The following ITGA9 variants were observed in gnomAD, a reference collection of about 807,000 sequenced individuals.
ITGA9 encodes the protein integrin alpha-9.
Under a neutral mutation model 127.8 loss-of-function variants are expected in ITGA9, and 56 were observed. The ratio of observed to expected loss-of-function variants is 0.44; its 90% CI spans 0.35 to 0.55. ITGA9 has a LOEUF of 0.55. Among genes scored for constraint, ITGA9 ranks in the 20% least tolerant of loss-of-function variants. The pLI, the probability that ITGA9 is intolerant of heterozygous loss-of-function variation, is 0.00. For missense variants in ITGA9, 1,196 were observed against 1,347.1 expected, an observed-to-expected ratio of 0.89 and a Z score of 1.76; for synonymous variants, 508 against 514.5, an observed-to-expected ratio of 0.99 and a Z score of 0.17.
At chr3:37,721,870 T>C (rs1252955887) in intron 18 of ITGA9, among the ~76,000 whole-genome samples, 1 of 152,208 alleles carries the variant, frequency 6.6e-6, no homozygotes, top group Non-Finnish European at 1.5e-5. Flanking sequence ...TTTCTGCTCA[T>C]TGTTGCGCGT....
At chr3:37,547,134 C>T (rs1488571407) in intron 15 of ITGA9, among the ~76,000 whole-genome samples, 1 of 151,870 alleles carries the variant, frequency 6.6e-6, no homozygotes, top group Admixed American at 6.5e-5. Context: ...TTTTTTTGAA[C>T]AGAACCATGT....
intron 17 of ITGA9, among the ~76,000 whole-genome samples, chr3:37,655,648 G>C (rs1053303981): frequency 1.3e-5 from 2 of 152,140 alleles, no homozygotes; most frequent in African/African-American, 4.8e-5. Flanking sequence ...TAGGTTGCCT[G>C]TTCACTCTGA....
intron 5 of ITGA9, among the ~76,000 whole-genome samples, chr3:37,495,461 C>T (rs1698718046): frequency 6.6e-6 from 1 of 152,140 alleles, no homozygotes; most frequent in South Asian, 2.1e-4. Flanking sequence ...TCATGACTGC[C>T]TGCTGGCACT....
At chr3:37,711,222 T>G (rs1426251267) in intron 18 of ITGA9, among the ~76,000 whole-genome samples, 1 of 152,108 alleles carries the variant, frequency 6.6e-6, no homozygotes, top group African/African-American at 2.4e-5. Flanking sequence ...GATGAGGGTT[T>G]GTACCTGCTG....
At chr3:37,648,809 G>A (rs771656609) in intron 16 of ITGA9, among the ~76,000 whole-genome samples, 1 of 151,952 alleles carries the variant, frequency 6.6e-6, no homozygotes, top group Non-Finnish European at 1.5e-5. Context: ...TACTATAAAG[G>A]TGATGAGTAA....
At chr3:37,630,377 G>A (rs1414954460) in intron 16 of ITGA9, among the ~76,000 whole-genome samples, 1 of 152,230 alleles carries the variant, frequency 6.6e-6, no homozygotes, top group African/African-American at 2.4e-5. Context: ...TAATGATGCT[G>A]TGCTCTTAGG....
chr3:37,519,434 G>A, intron 11 of ITGA9, 80 bp downstream of exon 11: 1 of 1,122,636 alleles, frequency 8.9e-7, no homozygotes, highest in Non-Finnish European at 1.3e-6. Context: ...TATGCACCAT[G>A]CCCTGGAGGT....
intron 17 of ITGA9, among the ~76,000 whole-genome samples, chr3:37,672,077 C>T (rs1559563695): frequency 6.6e-6 from 1 of 152,012 alleles, no homozygotes; most frequent in Non-Finnish European, 1.5e-5. Flanking sequence ...CTGGGACAAG[C>T]TGTATAAGGG....
At position 37,517,566 on chromosome 3, in the gene ITGA9, G is replaced by C. The variant is rs760222051; in HGVS notation, c.1098G>C (p.Glu366Asp). 1 of 1,597,752 alleles carries C rather than the reference G, an allele frequency of 6.3e-7. No homozygotes were observed. Among genetic ancestry groups the C allele is most frequent in the East Asian group, 2.3e-5 (1 of 44,300 alleles). Residue 366 changes from glutamate (E) to aspartate (D), a missense_variant, in exon 10 of 28, where the codon GAG (glutamate) becomes GAC (aspartate). By Grantham distance (45) the Glu-to-Asp change is conservative. Coordinates refer to ENST00000264741, the MANE Select transcript of ITGA9 (RefSeq NM_002207.3). ...GTGCCTACAATGCGCACTTTGGAGA[G>C]AGCATTGCCAGCCTGGACGATCTGG... is the stretch of plus-strand genomic sequence containing the variant. The part of the protein sequence containing the change: ...GDGAYNAHFG[E>D]SIASLDDLDN...
At chr3:37,812,232 G>A (rs1207933028) in intron 27 of ITGA9, among the ~76,000 whole-genome samples, 2 of 152,168 alleles carry the variant, frequency 1.3e-5, no homozygotes, top group South Asian at 2.1e-4. Context: ...TTGCACTGTC[G>A]ACATCTCGAG....
At chr3:37,540,524 G>A (rs116298161) in intron 14 of ITGA9, among the ~76,000 whole-genome samples, 2 of 152,192 alleles carry the variant, frequency 1.3e-5, no homozygotes, top group Non-Finnish European at 2.9e-5. Flanking sequence ...GTCAAGTAAT[G>A]TACAACATGC....
At chr3:37,771,242 G>A (rs1696840485) in intron 23 of ITGA9, among the ~76,000 whole-genome samples, 1 of 152,232 alleles carries the variant, frequency 6.6e-6, no homozygotes, top group African/African-American at 2.4e-5. Flanking sequence ...GGCCGGGGAT[G>A]CTTGGGTTGT....
chr3:37,755,366 G>C (rs2177052), intron 23 of ITGA9, among the ~76,000 whole-genome samples: 7 of 151,824 alleles, frequency 4.6e-5, no homozygotes, highest in Non-Finnish European at 8.8e-5. Flanking sequence ...AGACAGATGA[G>C]GAGTAGACCC....
intron 15 of ITGA9, among the ~76,000 whole-genome samples, chr3:37,595,073 G>A (rs928863679): frequency 2.0e-5 from 3 of 152,082 alleles, no homozygotes; most frequent in South Asian, 2.1e-4. Context: ...TGGAAGATCC[G>A]CTTCCTTGTT....
At chr3:37,771,781 G>T (rs1696846758) in intron 23 of ITGA9, among the ~76,000 whole-genome samples, 1 of 152,210 alleles carries the variant, frequency 6.6e-6, no homozygotes, top group South Asian at 2.1e-4. Context: ...AGGCACTTTT[G>T]TCTCCCATGG....
intron 15 of ITGA9, among the ~76,000 whole-genome samples, chr3:37,567,231 T>G (rs913112817): frequency 3.9e-5 from 6 of 152,142 alleles, no homozygotes; most frequent in African/African-American, 9.7e-5. Flanking sequence ...AGAGAGAACT[T>G]GTGCAGGGGA....
intron 15 of ITGA9, among the ~76,000 whole-genome samples, chr3:37,560,475 G>A (rs4678965): frequency 0.35 from 53,209 of 152,028 alleles, 10,322 homozygotes; most frequent in East Asian, 0.51. Flanking sequence ...CCAGTAATGG[G>A]ATTGCTGGAT....
intron 1 of ITGA9, among the ~76,000 whole-genome samples, chr3:37,468,845 A>T (rs1187865194): frequency 6.6e-6 from 1 of 152,158 alleles, no homozygotes; most frequent in African/African-American, 2.4e-5. Flanking sequence ...TCTCTTTTCT[A>T]GGCTGCTGGA....
At chr3:37,641,747 A>G (rs1700336120) in intron 16 of ITGA9, among the ~76,000 whole-genome samples, 1 of 152,096 alleles carries the variant, frequency 6.6e-6, no homozygotes, top group African/African-American at 2.4e-5. Context: ...CGCCACCCGC[A>G]TACTGCATTC....
Sources: gnomAD v4.1 joint callset for allele counts (sites outside exome capture counted in the v4.1 genomes callset) on GRCh38, gnomAD v4.1.1 for gene constraint, MANE v1.5 for transcripts, NCBI Gene and HGNC (gene_info 2026-07-23, HGNC 2026-07-21) for gene names.